GYG2: variants seen among roughly 807,000 people sequenced by gnomAD.
The protein encoded by GYG2 is glycogenin 2, also known as glycogenin-2.
A neutral mutation model predicts 29.4 loss-of-function variants in GYG2; 29 were observed. That is an observed-to-expected ratio of 0.99 (90% CI 0.74 to 1.35). The LOEUF is 1.35. Ranked by LOEUF, GYG2 falls within the 40% of genes most tolerant of loss-of-function variation. The pLI is 0.00. For missense variants in GYG2, 370 were observed against 385.7 expected, an observed-to-expected ratio of 0.96 and a Z score of 0.34; for synonymous variants, 167 against 172.3, an observed-to-expected ratio of 0.97 and a Z score of 0.24.
chrX:2,880,966 G>A, intron 10 of GYG2, 86 bp from the exon 11 acceptor site: 1 of 828,341 alleles, frequency 1.2e-6, no homozygotes, highest in Non-Finnish European at 1.8e-6. Context: ...TCTTTCTGCG[G>A]GACCCTACAC....
intron 10 of GYG2, 84 bp from the exon 11 acceptor site, chrX:2,880,968 A>G (rs1355100161): frequency 2.4e-6 from 2 of 842,818 alleles, no homozygotes; most frequent in Non-Finnish European, 3.5e-6. Flanking sequence ...TTTCTGCGGG[A>G]CCCTACACTG....
chrX:2,879,353 C>T (rs1278173815), intron 10 of GYG2, among the ~76,000 whole-genome samples: 5 of 107,209 alleles, frequency 4.7e-5, no homozygotes, highest in African/African-American at 1.0e-4. Context: ...CTGCAACCTC[C>T]GCCTCCCGGG....
chrX:2,843,465 G>C, intron 3 of GYG2, 111 bp downstream of exon 3: 1 of 568,205 alleles, frequency 1.8e-6, no homozygotes, highest in East Asian at 3.7e-5. Context: ...CTTCTTCATA[G>C]GCCTGGATGG....
At chrX:2,837,734 G>A (rs779732348) in intron 2 of GYG2, among the ~76,000 whole-genome samples, 47 of 110,488 alleles carry the variant, frequency 4.3e-4, no homozygotes, top group African/African-American at 1.5e-3. Flanking sequence ...ATTGTAAATG[G>A]CACTTTATTT....
Position 2,856,519 on chromosome X carries a change from A to G in GYG2, c.509A>G (p.Asn170Ser), listed in dbSNP as rs891638245. 2 of 1,206,938 alleles carry G rather than the reference A, an allele frequency of 1.7e-6. No homozygotes were observed. The highest frequency in any genetic ancestry group is 1.8e-5 in the African/African-American group (1 of 56,801). The change falls in exon 6 of 11, where the codon AAT (asparagine) becomes AGT (serine). Residue 170 changes from asparagine to serine, a missense_variant. Physicochemically the swap from Asn to Ser is conservative, Grantham distance 46. Coordinates refer to ENST00000398806, the MANE Select transcript of GYG2 (RefSeq NM_001079855.2). ...SFDGADQGLL[N>S]SFFRNWSTTD... ...GTAGGGGCAGACCAAGGCTTACTGA[A>G]TAGTTTCTTCAGGAACTGGTCGACC...
chrX:2,849,023 C>T (rs200867036), intron 3 of GYG2, among the ~76,000 whole-genome samples: 1 of 111,146 alleles, frequency 9.0e-6, no homozygotes, highest in East Asian at 2.8e-4. Context: ...TCGCCCCTCC[C>T]CCAGGCTGTG....
chrX:2,838,923 TC>T (rs1240890381), intron 2 of GYG2, among the ~76,000 whole-genome samples: 1 of 112,411 alleles, frequency 8.9e-6, no homozygotes, highest in Non-Finnish European at 1.9e-5. Flanking sequence ...GCCTGTCTGT[TC>T]CTTGAACTTC....
At chrX:2,842,449 G>A (rs5982881) in intron 2 of GYG2, among the ~76,000 whole-genome samples, 20,932 of 108,453 alleles carry the variant, frequency 0.19, 1,536 homozygotes, top group East Asian at 0.25. Context: ...CCCCTTCTTC[G>A]ACCCTAGCAC....
chrX:2,835,437 G>T (rs1368731451), intron 2 of GYG2, among the ~76,000 whole-genome samples: 1 of 111,972 alleles, frequency 8.9e-6, no homozygotes, highest in Non-Finnish European at 1.9e-5. Flanking sequence ...AGGTAGTTGC[G>T]AGGCCTAGAA....
chrX:2,833,240 G>A (rs2087304646), intron 2 of GYG2, among the ~76,000 whole-genome samples: 1 of 110,586 alleles, frequency 9.0e-6, no homozygotes, highest in Admixed American at 9.7e-5. Flanking sequence ...CTGTGTGTGT[G>A]TGTGTCTGTG....
At chrX:2,860,973 A>G (rs868733606) in intron 7 of GYG2, among the ~76,000 whole-genome samples, 1 of 101,951 alleles carries the variant, frequency 9.8e-6, no homozygotes, top group Non-Finnish European at 2.0e-5. Context: ...CAAGTCATCC[A>G]CCCGCCTCAG....
intron 8 of GYG2, among the ~76,000 whole-genome samples, chrX:2,862,535 G>A (rs2088193875): frequency 9.0e-6 from 1 of 111,372 alleles, no homozygotes; most frequent in Admixed American, 9.6e-5. Flanking sequence ...GGTTTCAGCC[G>A]AACCCCTGAC....
chrX:2,833,445 C>T (rs2087309699), intron 2 of GYG2, among the ~76,000 whole-genome samples: 1 of 111,386 alleles, frequency 9.0e-6, no homozygotes. Flanking sequence ...CATTAATCCT[C>T]ATGTTTTCCC....
At position 2,844,551 on chromosome X, in the gene GYG2, CGCATGCGTATATGTGTAT is replaced by C. The variant is rs1569056190; in HGVS notation, c.149+1198_149+1215del. Among the ~76,000 whole-genome samples the C allele has an allele frequency of 3.6e-4, 22 of 61,352 alleles. 1 individual carries two copies. Among genetic ancestry groups the C allele is most frequent in the South Asian group, 1.0e-3 (1 of 973 alleles). 53.3% of individuals were successfully genotyped at this position (61,352 alleles called of 115,157 possible). On this transcript the variant is annotated intron_variant, in intron 3 of 10. Transcript: ENST00000398806. ...ATGCGTATATATGTGTATACGCACACGCATGCGTATATGTGTATACGCACACGCATGCGTATATGTGTA... is the reference window on the plus strand; with the variant it reads ...ATGCGTATATATGTGTATACGCACACACGCACACGCATGCGTATATGTGTA...
At chrX:2,845,029 TTATA>T (rs1387226552) in intron 3 of GYG2, among the ~76,000 whole-genome samples, 1 of 88,011 alleles carries the variant, frequency 1.1e-5, no homozygotes, top group Admixed American at 1.4e-4. Context: ...GTATGTATAT[TTATA>T]TACACATGTG....
intron 3 of GYG2, among the ~76,000 whole-genome samples, chrX:2,847,983 T>G (rs751949272): frequency 9.0e-6 from 1 of 111,396 alleles, no homozygotes; most frequent in Admixed American, 9.6e-5. Flanking sequence ...TTGATGAAGG[T>G]GGATGTTTTG....
chrX:2,853,958 A>G (rs2087922258), intron 3 of GYG2, 22 bp from the exon 4 acceptor site: 6 of 1,148,612 alleles, frequency 5.2e-6, no homozygotes, highest in South Asian at 1.8e-5. Context: ...CTGTCCCACT[A>G]TTTGGCACAT....
chrX:2,876,494 C>T (rs2088603027), intron 9 of GYG2, among the ~76,000 whole-genome samples: 1 of 111,133 alleles, frequency 9.0e-6, no homozygotes, highest in Non-Finnish European at 1.9e-5. Flanking sequence ...TCAAATCTCT[C>T]TCTGAAAATT....
chrX:2,871,505 A>G (rs972438865), intron 8 of GYG2, among the ~76,000 whole-genome samples: 3 of 110,124 alleles, frequency 2.7e-5, no homozygotes, highest in African/African-American at 9.9e-5. Flanking sequence ...CCTGGCCAAC[A>G]TGGTGAGACC....
Sources: allele counts gnomAD v4.1 joint callset (sites outside exome capture counted in the v4.1 genomes callset), GRCh38; gene constraint gnomAD v4.1.1; transcripts MANE v1.5; gene names NCBI Gene and HGNC (gene_info 2026-07-23, HGNC 2026-07-21).